The following ANKS1B variants were observed in gnomAD, a reference collection of about 807,000 sequenced individuals.
The protein encoded by ANKS1B is ankyrin repeat and sterile alpha motif domain containing 1B, also known as ankyrin repeat and sterile alpha motif domain-containing protein 1B.
ANKS1B carries 36 observed loss-of-function variants against 148.3 expected under a neutral mutation model. That is an observed-to-expected ratio of 0.24 (90% confidence interval 0.19 to 0.32). ANKS1B has a LOEUF of 0.32. ANKS1B is among the 10% of genes least tolerant of loss of function. The pLI, the probability that ANKS1B is intolerant of heterozygous loss-of-function variation, is 1.00. For missense variants in ANKS1B, 1,157 were observed against 1,542.6 expected (o/e 0.75, Z 4.19); for synonymous variants, 542 against 560.8 (o/e 0.97, Z 0.47).
At chr12:99,544,749 A>G (rs2097157352) in intron 9 of ANKS1B, among the ~76,000 whole-genome samples, 1 of 152,122 alleles carries the variant, frequency 6.6e-6, no homozygotes, top group Non-Finnish European at 1.5e-5. Flanking sequence ...AGCTTTTTAA[A>G]TGCATATAGG....
intron 1 of ANKS1B, among the ~76,000 whole-genome samples, chr12:99,877,851 G>T (rs1440026615): frequency 6.6e-6 from 1 of 152,112 alleles, no homozygotes; most frequent in Non-Finnish European, 1.5e-5. Context: ...TTGAGCACAG[G>T]AGTTTGAGAC....
At chr12:99,107,994 C>T (rs1370559767) in intron 15 of ANKS1B, among the ~76,000 whole-genome samples, 2 of 152,214 alleles carry the variant, frequency 1.3e-5, no homozygotes, top group African/African-American at 4.8e-5. Context: ...CTCACTGAAA[C>T]TTTCCCTGGG....
intron 9 of ANKS1B, among the ~76,000 whole-genome samples, chr12:99,513,183 G>A (rs1343955137): frequency 1.3e-5 from 2 of 152,014 alleles, no homozygotes; most frequent in Non-Finnish European, 2.9e-5. Flanking sequence ...AGGCTCATAT[G>A]ATCGTTGGCA....
chr12:99,610,959 G>T (rs995430750), intron 9 of ANKS1B, among the ~76,000 whole-genome samples: 1 of 151,910 alleles, frequency 6.6e-6, no homozygotes, highest in African/African-American at 2.4e-5. Flanking sequence ...GTCCCCAAAG[G>T]TTCTTCCAAA....
At chr12:98,937,993 C>G (rs1455300782) in intron 17 of ANKS1B, among the ~76,000 whole-genome samples, 1 of 152,062 alleles carries the variant, frequency 6.6e-6, no homozygotes, top group Non-Finnish European at 1.5e-5. Flanking sequence ...ATGGGGGAAA[C>G]TGCCCCCATG....
At chr12:99,801,130 T>G (rs917051977) in intron 4 of ANKS1B, among the ~76,000 whole-genome samples, 3 of 152,172 alleles carry the variant, frequency 2.0e-5, no homozygotes, top group African/African-American at 7.2e-5. Context: ...TTTTGTGACC[T>G]GATTTAGCCA....
chr12:99,853,778 G>A (rs1411053372), intron 1 of ANKS1B, among the ~76,000 whole-genome samples: 1 of 152,058 alleles, frequency 6.6e-6, no homozygotes, highest in East Asian at 1.9e-4. Flanking sequence ...GGTAATTAAG[G>A]AGGCACCAGA....
chr12:99,466,045 T>A (rs551852166), intron 10 of ANKS1B, among the ~76,000 whole-genome samples: 21 of 151,918 alleles, frequency 1.4e-4, no homozygotes, highest in South Asian at 4.2e-4. Flanking sequence ...GAAGTAAAGC[T>A]CTCCTCAGCA....
intron 12 of ANKS1B, among the ~76,000 whole-genome samples, chr12:99,359,595 T>G (rs1408373644): frequency 2.6e-5 from 4 of 152,110 alleles, no homozygotes; most frequent in Admixed American, 6.6e-5. Flanking sequence ...AAATGAATGA[T>G]TTCCATATAT....
At chr12:99,463,529 T>C (rs931703791) in intron 10 of ANKS1B, among the ~76,000 whole-genome samples, 4 of 152,142 alleles carry the variant, frequency 2.6e-5, no homozygotes, top group African/African-American at 9.7e-5. Flanking sequence ...GGAGTTCCCT[T>C]TCCTAGTCAA....
intron 17 of ANKS1B, among the ~76,000 whole-genome samples, chr12:98,852,048 A>G (rs1371263307): frequency 1.3e-5 from 2 of 150,086 alleles, no homozygotes; most frequent in Admixed American, 6.6e-5. Flanking sequence ...AAAAAAAAAA[A>G]AAGGAGGGAA....
At chr12:99,149,440 T>A (rs2077305493) in intron 15 of ANKS1B, among the ~76,000 whole-genome samples, 1 of 152,146 alleles carries the variant, frequency 6.6e-6, no homozygotes, top group Non-Finnish European at 1.5e-5. Context: ...CCCAAGTGTA[T>A]GAAAATGCCA....
chr12:99,088,189 T>G (rs2052619067), intron 15 of ANKS1B, among the ~76,000 whole-genome samples: 1 of 152,304 alleles, frequency 6.6e-6, no homozygotes, highest in South Asian at 2.1e-4. Context: ...GTTAGAAATT[T>G]TCTATTTTAT....
chr12:99,895,731 A>T (rs546638515), intron 1 of ANKS1B, among the ~76,000 whole-genome samples: 1 of 151,126 alleles, frequency 6.6e-6, no homozygotes, highest in South Asian at 2.1e-4. Context: ...ACCTCCCTCT[A>T]AGAAGGCCAA....
intron 17 of ANKS1B, among the ~76,000 whole-genome samples, chr12:98,983,210 C>T (rs1441387215): frequency 6.6e-6 from 1 of 152,104 alleles, no homozygotes; most frequent in Non-Finnish European, 1.5e-5. Context: ...TATCTAGAGG[C>T]GCTGTGGAAA....
At chr12:98,800,675 G>GAT (rs3049844) in intron 21 of ANKS1B, among the ~76,000 whole-genome samples, 42,924 of 99,552 alleles carry the variant, frequency 0.43, 9,757 homozygotes, top group Non-Finnish European at 0.53. Flanking sequence ...AGTGAGCAGA[G>GAT]ATATATATAT....
chr12:99,817,428 T>C (rs2082011490), intron 2 of ANKS1B, among the ~76,000 whole-genome samples: 1 of 151,838 alleles, frequency 6.6e-6, no homozygotes, highest in African/African-American at 2.4e-5. Flanking sequence ...ATAAGTAGGT[T>C]GATCCCATAT....
chr12:99,807,114 G>A (rs1454930688), intron 3 of ANKS1B, among the ~76,000 whole-genome samples: 3 of 152,060 alleles, frequency 2.0e-5, no homozygotes, highest in African/African-American at 7.2e-5. Flanking sequence ...CAGATAAGAA[G>A]GTAAATTCTT....
chr12:99,683,560 C>T (rs1222285508), intron 8 of ANKS1B, among the ~76,000 whole-genome samples: 5 of 152,076 alleles, frequency 3.3e-5, no homozygotes, highest in Admixed American at 3.3e-4. Context: ...CAAGGAAAAA[C>T]TGGTACCAAT....
Sources: allele counts gnomAD v4.1 joint callset (sites outside exome capture counted in the v4.1 genomes callset), GRCh38; gene constraint gnomAD v4.1.1; transcripts MANE v1.5; gene names NCBI Gene and HGNC (gene_info 2026-07-23, HGNC 2026-07-21).